The following RSRC1 variants were observed in gnomAD, a reference collection of about 807,000 sequenced individuals.
RSRC1 encodes the protein serine/Arginine-related protein 53.
In RSRC1, 39 loss-of-function variants were observed where a neutral mutation model predicts 49.1. That is an observed-to-expected ratio of 0.79 (90% CI 0.61 to 1.04). RSRC1 has a LOEUF of 1.04. Among genes scored for constraint, RSRC1 ranks in the 50% least tolerant of loss-of-function variants. The probability of loss-of-function intolerance (pLI) is 0.00; values close to 1 mark genes in which losing one functional copy is unlikely to be tolerated. For missense variants in RSRC1, 388 were observed against 402.4 expected (o/e 0.96, Z 0.31); for synonymous variants, 143 against 130.8 (o/e 1.09, Z -0.63).
chr3:158,419,765 T>C (rs1179179015), intron 6 of RSRC1, among the ~76,000 whole-genome samples: 1 of 151,424 alleles, frequency 6.6e-6, no homozygotes, highest in African/African-American at 2.4e-5. Context: ...AGACTTTTTT[T>C]ATTCTAAAAA....
intron 6 of RSRC1, among the ~76,000 whole-genome samples, chr3:158,402,925 C>T (rs1733970065): frequency 6.6e-6 from 1 of 151,746 alleles, no homozygotes; most frequent in South Asian, 2.1e-4. Flanking sequence ...GTTGTGCTGT[C>T]CAGCAGATAC....
At chr3:158,232,884 A>C (rs1169574936) in intron 4 of RSRC1, among the ~76,000 whole-genome samples, 2 of 152,092 alleles carry the variant, frequency 1.3e-5, no homozygotes, top group Non-Finnish European at 1.5e-5. Context: ...TGTTTTTACT[A>C]CCCATGAAGA....
intron 4 of RSRC1, among the ~76,000 whole-genome samples, chr3:158,241,176 G>A (rs900751477): frequency 6.6e-5 from 10 of 152,218 alleles, no homozygotes; most frequent in Admixed American, 5.9e-4. Flanking sequence ...GGCTGGGCAC[G>A]GTGGCTCACG....
intron 4 of RSRC1, among the ~76,000 whole-genome samples, chr3:158,297,067 C>T (rs1727276160): frequency 6.6e-6 from 1 of 151,990 alleles, no homozygotes; most frequent in Non-Finnish European, 1.5e-5. Flanking sequence ...GATTAAACAT[C>T]ATGAATATAA....
intron 7 of RSRC1, among the ~76,000 whole-genome samples, chr3:158,466,991 C>T (rs1005938896): frequency 2.6e-5 from 4 of 152,052 alleles, no homozygotes; most frequent in Admixed American, 2.0e-4. Flanking sequence ...CCCAGAAGTT[C>T]GAGGTTCCAT....
chr3:158,514,680 C>T (rs13095012), intron 7 of RSRC1, among the ~76,000 whole-genome samples: 44,824 of 151,082 alleles, frequency 0.3, 6,988 homozygotes, highest in South Asian at 0.4. Context: ...CTTGTTGACT[C>T]TCTGTCTCGT....
At chr3:158,230,547 TA>T (rs1722889563) in intron 4 of RSRC1, among the ~76,000 whole-genome samples, 1 of 100,260 alleles carries the variant, frequency 1.0e-5, no homozygotes. Flanking sequence ...GTTAAGTGAA[TA>T]AATGAAATAA....
intron 6 of RSRC1, among the ~76,000 whole-genome samples, chr3:158,426,812 T>A (rs1226927009): frequency 2.0e-5 from 3 of 151,652 alleles, no homozygotes; most frequent in Non-Finnish European, 4.4e-5. Context: ...CTAAAAAAAT[T>A]GTGTTTAAAG....
chr3:158,473,404 A>G (rs560430808), intron 7 of RSRC1, among the ~76,000 whole-genome samples: 4 of 152,262 alleles, frequency 2.6e-5, no homozygotes, highest in Admixed American at 6.5e-5. Flanking sequence ...TCAGCAAACT[A>G]TCGCAAGGAC....
chr3:158,327,846 A>G (rs1194537457), intron 5 of RSRC1, among the ~76,000 whole-genome samples: 1 of 152,118 alleles, frequency 6.6e-6, no homozygotes, highest in East Asian at 1.9e-4. Flanking sequence ...AAAGTCTCCC[A>G]TTATTATTGT....
At chr3:158,417,731 GATTT>G (rs1034675875) in intron 6 of RSRC1, among the ~76,000 whole-genome samples, 50 of 150,618 alleles carry the variant, frequency 3.3e-4, no homozygotes, top group African/African-American at 1.2e-3. Flanking sequence ...TTTTTATACA[GATTT>G]ATTAATCAGT....
chr3:158,296,156 A>G, intron 4 of RSRC1, among the ~76,000 whole-genome samples: 1 of 152,074 alleles, frequency 6.6e-6, no homozygotes, highest in Non-Finnish European at 1.5e-5. Context: ...TTGCAATATT[A>G]TTTTCTAATA....
At chr3:158,297,939 A>G in intron 4 of RSRC1, 100 bp from the exon 5 acceptor site, 4 of 823,874 alleles carry the variant, frequency 4.9e-6, no homozygotes, top group Admixed American at 2.1e-5. Flanking sequence ...GTAAATACAT[A>G]TGAAAAAATT....
chr3:158,297,332 G>T (rs1727287992), intron 4 of RSRC1, among the ~76,000 whole-genome samples: 1 of 151,958 alleles, frequency 6.6e-6, no homozygotes, highest in African/African-American at 2.4e-5. Flanking sequence ...ACAGATACTT[G>T]TATTTTCAGT....
chr3:158,416,676 C>T (rs756090389), intron 6 of RSRC1, among the ~76,000 whole-genome samples: 1 of 152,030 alleles, frequency 6.6e-6, no homozygotes, highest in Non-Finnish European at 1.5e-5. Context: ...CCCTGGCCAG[C>T]CCCTGTCCAA....
chr3:158,206,608 A>G (rs1458762143), intron 4 of RSRC1, among the ~76,000 whole-genome samples: 1 of 152,120 alleles, frequency 6.6e-6, no homozygotes, highest in African/African-American at 2.4e-5. Flanking sequence ...CTTTACTCAC[A>G]GTGGACGTAA....
At chr3:158,290,377 A>T (rs915425908) in intron 4 of RSRC1, among the ~76,000 whole-genome samples, 1 of 152,044 alleles carries the variant, frequency 6.6e-6, no homozygotes, top group African/African-American at 2.4e-5. Flanking sequence ...GGTTCACGCC[A>T]TTCTCCTGCC....
intron 4 of RSRC1, among the ~76,000 whole-genome samples, chr3:158,289,615 A>G (rs992875845): frequency 6.6e-6 from 1 of 152,232 alleles, no homozygotes; most frequent in Non-Finnish European, 1.5e-5. Flanking sequence ...TCTGAACTAT[A>G]GTAACATAAG....
intron 6 of RSRC1, among the ~76,000 whole-genome samples, chr3:158,388,781 T>C (rs547911482): frequency 2.6e-5 from 4 of 152,054 alleles, no homozygotes; most frequent in Non-Finnish European, 5.9e-5. Flanking sequence ...AGCTAATTTT[T>C]TGTATTTTTA....
Sources: allele counts gnomAD v4.1 joint callset (sites outside exome capture counted in the v4.1 genomes callset), GRCh38; gene constraint gnomAD v4.1.1; transcripts MANE v1.5; gene names NCBI Gene and HGNC (gene_info 2026-07-23, HGNC 2026-07-21).